NDUFAF7: variants seen among roughly 807,000 people sequenced by gnomAD.
NDUFAF7 encodes the protein NADH:ubiquinone oxidoreductase complex assembly factor 7, also known as protein arginine methyltransferase NDUFAF7, mitochondrial.
In NDUFAF7, 48 loss-of-function variants were observed where a neutral mutation model predicts 47.2. The ratio of observed to expected loss-of-function variants is 1.02; its 90% confidence interval spans 0.81 to 1.29. The LOEUF (loss-of-function observed/expected upper bound fraction) is 1.29. Among genes scored for constraint, NDUFAF7 ranks in the 50% most tolerant of loss-of-function variants. The probability of loss-of-function intolerance (pLI) is 0.00; values close to 1 mark genes in which losing one functional copy is unlikely to be tolerated. For synonymous variants in NDUFAF7, 217 were observed against 190.0 expected, an observed-to-expected ratio of 1.14 and a Z score of -1.17; for missense variants, 635 against 537.6, an observed-to-expected ratio of 1.18 and a Z score of -1.79.
At chr2:37,249,643 G>GACACACACACACACACACACAC (rs56208997), downstream of NDUFAF7, among the ~76,000 whole-genome samples, 1,622 of 132,534 alleles carry the variant, frequency 0.012, 44 homozygotes, top group East Asian at 0.037. Flanking sequence ...CTGTGATAGA[G>GACACACACACACACACACACAC]ACACACACAC....
the NDUFAF7 span, among the ~76,000 whole-genome samples, chr2:37,266,326 C>G: frequency 6.6e-6 from 1 of 152,120 alleles, no homozygotes; most frequent in African/African-American, 2.4e-5. Flanking sequence ...CAGCATTAAC[C>G]ATTTTTTGTT....
chr2:37,256,808 G>T (rs1667990009), downstream of NDUFAF7: 1 of 1,613,934 alleles, frequency 6.2e-7, no homozygotes, highest in East Asian at 2.2e-5. Flanking sequence ...CATATCTAGG[G>T]AACGGTTGTA....
At chr2:37,263,482 GTCTAC>G in the NDUFAF7 span, among the ~76,000 whole-genome samples, 9 of 152,032 alleles carry the variant, frequency 5.9e-5, no homozygotes, top group African/African-American at 1.9e-4. Flanking sequence ...AATTATTTTT[GTCTAC>G]TCCATTTCTC....
At chr2:37,270,363 A>C in the NDUFAF7 span, among the ~76,000 whole-genome samples, 3 of 151,570 alleles carry the variant, frequency 2.0e-5, no homozygotes, top group African/African-American at 7.3e-5. Context: ...AAAAAAAAAA[A>C]AAAAACTCAA....
At chr2:37,247,829 A>C (rs1433818294) in intron 9 of NDUFAF7, among the ~76,000 whole-genome samples, 200 bp downstream of exon 9, 2 of 152,188 alleles carry the variant, frequency 1.3e-5, no homozygotes, top group African/African-American at 4.8e-5. Context: ...AAGACTTCCA[A>C]ATAGTGTTTT....
downstream of NDUFAF7, among the ~76,000 whole-genome samples, chr2:37,249,560 C>CACACACACACAT (rs1289352198): frequency 2.9e-5 from 1 of 34,748 alleles, no homozygotes; most frequent in East Asian, 6.2e-3. Flanking sequence ...CTGTGATAGA[C>CACACACACACAT]ACACACACAC....
chr2:37,241,985 G>C, intron 5 of NDUFAF7, 194 bp downstream of exon 5: 1 of 594,990 alleles, frequency 1.7e-6, no homozygotes. Context: ...TTAAGTAGTA[G>C]TTTATTTCAT....
chr2:37,269,281 GAAT>G, the NDUFAF7 span: 2 of 274,636 alleles, frequency 7.3e-6, no homozygotes, highest in Non-Finnish European at 1.5e-5. Context: ...AACTAGTAGG[GAAT>G]ATACTTCAAT....
At chr2:37,262,899 C>CT in the NDUFAF7 span, among the ~76,000 whole-genome samples, 1 of 147,364 alleles carries the variant, frequency 6.8e-6, no homozygotes, top group African/African-American at 2.5e-5. Flanking sequence ...ATTCCTTCCC[C>CT]CCCCCGTATT....
chr2:37,236,207 T>C, intron 3 of NDUFAF7, 31 bp downstream of exon 3: 1 of 1,497,080 alleles, frequency 6.7e-7, no homozygotes, highest in East Asian at 2.3e-5. Context: ...TGAATGAAGC[T>C]AATATAAACA....
intron 1 of NDUFAF7, 27 bp from the exon 2 acceptor site, chr2:37,232,079 G>A: frequency 6.2e-7 from 1 of 1,614,174 alleles, no homozygotes; most frequent in Middle Eastern, 1.7e-4. Flanking sequence ...TTTATCATGG[G>A]GTCTGTTTAA....
downstream of NDUFAF7, chr2:37,252,897 T>C (rs1206009174): frequency 1.7e-5 from 3 of 175,946 alleles, no homozygotes; most frequent in Non-Finnish European, 3.5e-5. Flanking sequence ...AGTGAGCCTA[T>C]TGTATTAAAG....
rs752174274 is a variant in NDUFAF7, at chr2:37,231,685, A to G, written c.-21A>G. 1.9e-6 allele frequency: 3 copies of G among 1,614,102 alleles called. No homozygotes were observed. Among genetic ancestry groups the G allele is most frequent in the Non-Finnish European group, 2.5e-6 (3 of 1,180,004 alleles). ...CTAAGCCCCAGCTCCTGGCGGAGCG[A>G]GCTAGCCTGCGAATTTCAGCATGAG... On this transcript the variant is annotated 5_prime_UTR_variant, in exon 1 of 10. Coordinates refer to ENST00000002125, the MANE Select transcript of NDUFAF7 (RefSeq NM_144736.5).
chr2:37,263,511 G>T, the NDUFAF7 span, among the ~76,000 whole-genome samples: 5 of 152,226 alleles, frequency 3.3e-5, no homozygotes, highest in East Asian at 9.6e-4. Flanking sequence ...GACTACTGAT[G>T]TGTTTGTCTG....
At chr2:37,267,040 A>G in the NDUFAF7 span, among the ~76,000 whole-genome samples, 6 of 152,198 alleles carry the variant, frequency 3.9e-5, no homozygotes, top group African/African-American at 1.2e-4. Context: ...TTACAAAATT[A>G]GAGTTTTTAA....
intron 2 of NDUFAF7, 40 bp downstream of exon 2, chr2:37,232,306 C>T (rs369554068): frequency 1.2e-6 from 2 of 1,610,892 alleles, no homozygotes; most frequent in South Asian, 2.2e-5. Context: ...CCTCTCTAGC[C>T]GATTTGCGAG....
At chr2:37,239,090 ATAATT>A (rs558347910) in intron 4 of NDUFAF7, among the ~76,000 whole-genome samples, 59 of 151,134 alleles carry the variant, frequency 3.9e-4, no homozygotes, top group Non-Finnish European at 6.8e-4. Flanking sequence ...TTGTAAAACT[ATAATT>A]TAGTACATCC....
chr2:37,268,690 C>T, the NDUFAF7 span: 1 of 184,584 alleles, frequency 5.4e-6, no homozygotes, highest in Non-Finnish European at 1.1e-5. Context: ...AAAATGTGCA[C>T]TAGAAGAGAC....
chr2:37,248,242 C>G lies in NDUFAF7; in HGVS notation c.1218C>G (p.Ala406=). 6.2e-7 allele frequency: 1 copy of G among 1,613,894 alleles called. No individual in the cohort carries two copies. Among genetic ancestry groups the G allele is most frequent in the Non-Finnish European group, 8.5e-7 (1 of 1,179,888 alleles). ...TGGGAGAGAGATTTAACTTTTTTGCCTTGCTACCTCATCAGAGACTTCAAG... is the reference window on the plus strand; with the variant it reads ...TGGGAGAGAGATTTAACTTTTTTGCGTTGCTACCTCATCAGAGACTTCAAG... ...KKMGERFNFF[A]LLPHQRLQGG... Residue 406 remains alanine (A), a synonymous_variant, in exon 10 of 10, where the codon GCC becomes GCG. Coordinates refer to ENST00000002125, the MANE Select transcript of NDUFAF7 (RefSeq NM_144736.5).
Sources: gnomAD v4.1 joint callset for allele counts (sites outside exome capture counted in the v4.1 genomes callset) on GRCh38, gnomAD v4.1.1 for gene constraint, MANE v1.5 for transcripts, NCBI Gene and HGNC (gene_info 2026-07-23, HGNC 2026-07-21) for gene names.